The following ROBO2 variants were observed in gnomAD, a reference collection of about 807,000 sequenced individuals.
ROBO2 encodes roundabout guidance receptor 2.
ROBO2 carries 53 observed loss-of-function variants against 160.8 expected under a neutral mutation model. The ratio of observed to expected loss-of-function variants is 0.33; its 90% confidence interval spans 0.26 to 0.41. The LOEUF is 0.41. Among genes scored for constraint, ROBO2 ranks in the 10% least tolerant of loss-of-function variants. ROBO2 has a pLI of 1.00. For missense variants in ROBO2, 1,577 were observed against 1,722.4 expected (o/e 0.92, Z 1.49); for synonymous variants, 664 against 611.7 (o/e 1.09, Z -1.26).
At chr3:76,181,019 A>G (rs554300291) in intron 2 of ROBO2, among the ~76,000 whole-genome samples, 17 of 152,206 alleles carry the variant, frequency 1.1e-4, no homozygotes, top group African/African-American at 4.1e-4. Flanking sequence ...CACCATTTCT[A>G]CAGTCTACAT....
intron 2 of ROBO2, among the ~76,000 whole-genome samples, chr3:76,701,578 G>A (rs988280226): frequency 2.6e-5 from 4 of 152,092 alleles, no homozygotes; most frequent in African/African-American, 4.8e-5. Context: ...CTTGAAAAAG[G>A]CAATGATGGG....
intron 2 of ROBO2, among the ~76,000 whole-genome samples, chr3:76,040,215 A>C (rs1239066418): frequency 6.6e-6 from 1 of 151,832 alleles, no homozygotes; most frequent in Admixed American, 6.6e-5. Context: ...TAAATGTAAA[A>C]CATTTTTAAA....
chr3:76,165,513 T>C (rs1247084386), intron 2 of ROBO2, among the ~76,000 whole-genome samples: 1 of 152,180 alleles, frequency 6.6e-6, no homozygotes, highest in East Asian at 1.9e-4. Context: ...CTTGTCTTTC[T>C]TAACATTCAT....
intron 2 of ROBO2, among the ~76,000 whole-genome samples, chr3:76,347,510 C>A (rs1275275463): frequency 6.6e-6 from 1 of 151,956 alleles, no homozygotes; most frequent in Admixed American, 6.6e-5. Flanking sequence ...TGTAATAATT[C>A]AGAGGAGATG....
chr3:76,767,977 AATC>A (rs2061664531), intron 2 of ROBO2, among the ~76,000 whole-genome samples: 1 of 151,544 alleles, frequency 6.6e-6, no homozygotes, highest in African/African-American at 2.4e-5. Flanking sequence ...GTAAGTAAAG[AATC>A]ATCTACTTAA....
chr3:76,001,740 T>C (rs1559821078), intron 2 of ROBO2, among the ~76,000 whole-genome samples: 1 of 152,148 alleles, frequency 6.6e-6, no homozygotes, highest in East Asian at 1.9e-4. Context: ...AAATCATGTT[T>C]CACCTTGTTG....
intron 2 of ROBO2, among the ~76,000 whole-genome samples, chr3:77,111,709 G>A (rs760577247): frequency 3.3e-5 from 5 of 152,160 alleles, no homozygotes; most frequent in African/African-American, 4.8e-5. Flanking sequence ...AGAGAGGAAT[G>A]TTTGTTCATG....
chr3:76,336,246 A>T (rs1041649568), intron 2 of ROBO2, among the ~76,000 whole-genome samples: 1 of 152,192 alleles, frequency 6.6e-6, no homozygotes, highest in Non-Finnish European at 1.5e-5. Flanking sequence ...AAAGGAAAAG[A>T]AAATCACTTT....
At chr3:77,549,540 A>T (rs2092835244) in intron 7 of ROBO2, among the ~76,000 whole-genome samples, 1 of 151,976 alleles carries the variant, frequency 6.6e-6, no homozygotes, top group South Asian at 2.1e-4. Flanking sequence ...AGCAAACATC[A>T]CTCGTTTTAG....
chr3:76,684,938 G>T (rs996120256), intron 2 of ROBO2, among the ~76,000 whole-genome samples: 1 of 151,344 alleles, frequency 6.6e-6, no homozygotes, highest in African/African-American at 2.4e-5. Context: ...CAAAATTTTT[G>T]TATAGCATAT....
intron 2 of ROBO2, among the ~76,000 whole-genome samples, chr3:77,362,985 G>T (rs2070275486): frequency 6.6e-6 from 1 of 152,110 alleles, no homozygotes; most frequent in Admixed American, 6.6e-5. Flanking sequence ...GGAATTGCAG[G>T]AGCTACAATT....
intron 2 of ROBO2, among the ~76,000 whole-genome samples, chr3:77,318,563 A>G (rs1365529628): frequency 1.3e-5 from 2 of 152,244 alleles, no homozygotes; most frequent in Non-Finnish European, 1.5e-5. Flanking sequence ...GACTATATAA[A>G]TTAAAATCAC....
chr3:77,394,427 G>C (rs960663782), intron 2 of ROBO2, among the ~76,000 whole-genome samples: 1 of 152,042 alleles, frequency 6.6e-6, no homozygotes, highest in Non-Finnish European at 1.5e-5. Flanking sequence ...TAAAAGACTG[G>C]TGAAGTATTG....
chr3:76,621,982 C>CTTTTTTTTTTTTTTTTTTTTTTTTT (rs2089124245), intron 2 of ROBO2, among the ~76,000 whole-genome samples: 1 of 151,906 alleles, frequency 6.6e-6, no homozygotes, highest in African/African-American at 2.4e-5. Context: ...CCCATTCCTT[C>CTTTTTTTTTTTTTTTTTTTTTTTTT]TTTATTATAC....
intron 2 of ROBO2, among the ~76,000 whole-genome samples, chr3:77,173,915 T>A (rs2079881816): frequency 6.6e-6 from 1 of 152,196 alleles, no homozygotes; most frequent in East Asian, 1.9e-4. Flanking sequence ...ACACCTACCA[T>A]CTGGCATATC....
chr3:76,209,265 G>T (rs1411963195), intron 2 of ROBO2, among the ~76,000 whole-genome samples: 1 of 152,098 alleles, frequency 6.6e-6, no homozygotes, highest in Non-Finnish European at 1.5e-5. Context: ...GACCTACCTA[G>T]ATATGGCACT....
intron 1 of ROBO2, among the ~76,000 whole-genome samples, chr3:77,052,066 G>A (rs1019076794): frequency 6.6e-5 from 10 of 152,122 alleles, no homozygotes; most frequent in African/African-American, 2.4e-4. Flanking sequence ...TTCTCTTTGA[G>A]CAGATGACAT....
At chr3:75,957,778 A>T (rs975009974) in intron 2 of ROBO2, among the ~76,000 whole-genome samples, 16 of 151,478 alleles carry the variant, frequency 1.1e-4, no homozygotes, top group African/African-American at 3.6e-4. Flanking sequence ...CTCTCTACAC[A>T]CAACTCCCCA....
chr3:76,998,676 C>A (rs2061167565), intron 2 of ROBO2, among the ~76,000 whole-genome samples: 1 of 152,124 alleles, frequency 6.6e-6, no homozygotes, highest in East Asian at 1.9e-4. Context: ...TACAAAAACC[C>A]TTCACATCGT....
Sources: allele counts gnomAD v4.1 joint callset (sites outside exome capture counted in the v4.1 genomes callset), GRCh38; gene constraint gnomAD v4.1.1; transcripts MANE v1.5; gene names NCBI Gene and HGNC (gene_info 2026-07-23, HGNC 2026-07-21).